Variants in ASB3 observed in about 807,000 individuals in gnomAD.
ASB3 encodes the protein ankyrin repeat and SOCS box protein 3.
A neutral mutation model predicts 54.5 loss-of-function variants in ASB3; 41 were observed. The observed-to-expected ratio is 0.75, with a 90% CI of 0.59 to 0.98. The LOEUF (loss-of-function observed/expected upper bound fraction) is 0.98. Ranked by LOEUF, ASB3 falls within the 50% of genes least tolerant of loss-of-function variation. The probability of loss-of-function intolerance (pLI) is 0.00; values close to 1 mark genes in which losing one functional copy is unlikely to be tolerated. For missense variants in ASB3, 733 were observed against 620.0 expected, an observed-to-expected ratio of 1.18 and a Z score of -1.94; for synonymous variants, 266 against 221.2, an observed-to-expected ratio of 1.20 and a Z score of -1.80.
chr2:53,725,278 C>A (rs554018314), intron 5 of ASB3, among the ~76,000 whole-genome samples: 1 of 152,124 alleles, frequency 6.6e-6, no homozygotes, highest in East Asian at 1.9e-4. Context: ...ATACTGGGGA[C>A]TAATAGAGAG....
chr2:53,680,394 C>T (rs1668307477), intron 9 of ASB3, among the ~76,000 whole-genome samples: 1 of 152,130 alleles, frequency 6.6e-6, no homozygotes, highest in Non-Finnish European at 1.5e-5. Context: ...TATGCAACCT[C>T]GCCAGCATCT....
chr2:53,727,550 C>G (rs1001843108), intron 5 of ASB3, among the ~76,000 whole-genome samples: 1 of 152,106 alleles, frequency 6.6e-6, no homozygotes, highest in Non-Finnish European at 1.5e-5. Context: ...GGGGCAAAAT[C>G]GCTGGAGGTC....
intron 5 of ASB3, 140 bp from the exon 6 acceptor site, chr2:53,716,883 T>G: frequency 1.0e-6 from 1 of 978,672 alleles, no homozygotes; most frequent in East Asian, 2.7e-5. Flanking sequence ...TGTTGTTATA[T>G]AAACATATTT....
chr2:53,715,724 T>C (rs953385269), intron 6 of ASB3, among the ~76,000 whole-genome samples: 1 of 152,164 alleles, frequency 6.6e-6, no homozygotes, highest in Non-Finnish European at 1.5e-5. Flanking sequence ...CCACAAGACA[T>C]AAACATGCTT....
intron 1 of ASB3, among the ~76,000 whole-genome samples, chr2:53,775,953 T>C (rs749365991): frequency 5.3e-5 from 8 of 152,230 alleles, no homozygotes; most frequent in Admixed American, 2.0e-4. Flanking sequence ...AGGAAACAAG[T>C]TATTAACTCA....
At chr2:53,761,052 C>T (rs1166445189) in intron 2 of ASB3, among the ~76,000 whole-genome samples, 11 of 152,122 alleles carry the variant, frequency 7.2e-5, no homozygotes, top group Non-Finnish European at 2.9e-5. Flanking sequence ...GAGCAGTCGT[C>T]GGCCAACCTC....
intron 7 of ASB3, among the ~76,000 whole-genome samples, chr2:53,706,014 G>GT (rs918280749): frequency 9.9e-5 from 15 of 152,032 alleles, no homozygotes; most frequent in African/African-American, 2.9e-4. Flanking sequence ...AAAAACTAGG[G>GT]TTTTTTTAAG....
At chr2:53,709,561 T>A (rs1437711076) in intron 7 of ASB3, among the ~76,000 whole-genome samples, 1 of 152,160 alleles carries the variant, frequency 6.6e-6, no homozygotes, top group African/African-American at 2.4e-5. Context: ...GGAAAGAGCA[T>A]GTTTCTCAGG....
At chr2:53,766,378 A>G (rs759832465) in intron 1 of ASB3, among the ~76,000 whole-genome samples, 3 of 152,220 alleles carry the variant, frequency 2.0e-5, no homozygotes, top group African/African-American at 4.8e-5. Flanking sequence ...TAGTGACTCT[A>G]TGAAGCAGTT....
chr2:53,711,803 T>A (rs1010958331), intron 7 of ASB3, among the ~76,000 whole-genome samples: 7 of 152,048 alleles, frequency 4.6e-5, no homozygotes, highest in Admixed American at 1.3e-4. Context: ...ATGGGAAAAT[T>A]CGTTTTCATG....
chr2:53,687,928 G>C (rs890237821), intron 9 of ASB3, among the ~76,000 whole-genome samples: 1 of 152,026 alleles, frequency 6.6e-6, no homozygotes, highest in Admixed American at 6.6e-5. Context: ...CGATCCTCCT[G>C]CCTATGCCTC....
At chr2:53,719,576 C>T (rs553104734) in intron 5 of ASB3, among the ~76,000 whole-genome samples, 2 of 152,004 alleles carry the variant, frequency 1.3e-5, no homozygotes, top group South Asian at 2.1e-4. Context: ...AGACGTCAGC[C>T]CCAAGATAAT....
intron 2 of ASB3, among the ~76,000 whole-genome samples, chr2:53,760,680 T>C (rs568602193): frequency 3.3e-4 from 50 of 152,318 alleles, no homozygotes; most frequent in Admixed American, 5.2e-4. Flanking sequence ...TAGGCATTGA[T>C]AGCACCCATC....
chr2:53,715,439 T>TA (rs1334511009), intron 6 of ASB3, among the ~76,000 whole-genome samples: 1 of 152,156 alleles, frequency 6.6e-6, no homozygotes, highest in Non-Finnish European at 1.5e-5. Context: ...AAGTAGAACT[T>TA]ACACTCACAA....
chr2:53,785,135 A>G (rs1674867362), intron 1 of ASB3, among the ~76,000 whole-genome samples: 1 of 152,212 alleles, frequency 6.6e-6, no homozygotes, highest in Non-Finnish European at 1.5e-5. Context: ...TCAAGTCACA[A>G]TTCAAATGTC....
At chr2:53,737,478 G>C (rs1014042450) in intron 3 of ASB3, among the ~76,000 whole-genome samples, 1 of 152,122 alleles carries the variant, frequency 6.6e-6, no homozygotes, top group African/African-American at 2.4e-5. Context: ...TGGTTCAAGC[G>C]TAGGTTGCAC....
intron 2 of ASB3, among the ~76,000 whole-genome samples, chr2:53,757,115 G>T (rs1302860422): frequency 6.6e-6 from 1 of 152,144 alleles, no homozygotes; most frequent in African/African-American, 2.4e-5. Flanking sequence ...GACCACAAAG[G>T]GACCTCAAAA....
chr2:53,682,546 G>A (rs1288515103), intron 9 of ASB3, among the ~76,000 whole-genome samples: 3 of 151,798 alleles, frequency 2.0e-5, no homozygotes, highest in Non-Finnish European at 4.4e-5. Context: ...GTGCGATCTC[G>A]GCTCACTGCA....
intron 2 of ASB3, 134 bp downstream of exon 2, chr2:53,765,243 A>C: frequency 7.9e-7 from 1 of 1,270,744 alleles, no homozygotes. Flanking sequence ...TCCTTAATAA[A>C]TAAATTCAGG....
Sources: gnomAD v4.1 joint callset for allele counts (sites outside exome capture counted in the v4.1 genomes callset) on GRCh38, gnomAD v4.1.1 for gene constraint, MANE v1.5 for transcripts, NCBI Gene and HGNC (gene_info 2026-07-23, HGNC 2026-07-21) for gene names.